AKAP13: variants seen among roughly 807,000 people sequenced by gnomAD.
The protein encoded by AKAP13 is A-kinase anchor protein 13.
A neutral mutation model predicts 264.5 loss-of-function variants in AKAP13; 80 were observed. The observed-to-expected ratio is 0.30, with a 90% CI of 0.25 to 0.36. The LOEUF is 0.36. Ranked by LOEUF, AKAP13 falls within the 10% of genes least tolerant of loss-of-function variation. The pLI is 1.00. For synonymous variants in AKAP13, 1,380 were observed against 1,250.2 expected, an observed-to-expected ratio of 1.10 and a Z score of -2.19; for missense variants, 3,712 against 3,435.2, an observed-to-expected ratio of 1.08 and a Z score of -2.01.
intron 1 of AKAP13, among the ~76,000 whole-genome samples, chr15:85,407,676 G>A (rs2071741909): frequency 1.3e-5 from 2 of 151,840 alleles, no homozygotes; most frequent in Non-Finnish European, 2.9e-5. Flanking sequence ...TGAACTCAGT[G>A]AGCAGTGAGG....
At chr15:85,555,444 C>G (rs1220996197) in intron 5 of AKAP13, 1 of 1,289,068 alleles carries the variant, frequency 7.8e-7, no homozygotes, top group South Asian at 1.2e-5. Flanking sequence ...GAAGCCAAAA[C>G]TAAAAGAGGA....
intron 1 of AKAP13, among the ~76,000 whole-genome samples, chr15:85,407,118 A>T (rs1596069608): frequency 6.6e-6 from 1 of 151,900 alleles, no homozygotes; most frequent in East Asian, 1.9e-4. Flanking sequence ...ATTGGGGTAT[A>T]GTGAGAGATA....
intron 8 of AKAP13, among the ~76,000 whole-genome samples, chr15:85,608,029 G>A (rs931951739): frequency 2.0e-5 from 3 of 152,062 alleles, no homozygotes; most frequent in Non-Finnish European, 2.9e-5. Flanking sequence ...TTTTTGGAGC[G>A]CATGACTGTA....
Position 85,539,083 on chromosome 15 carries a change from G to A in AKAP13, c.479-4689G>A, listed in dbSNP as rs141158607. On this transcript the variant is annotated intron_variant, in intron 4 of 36. Coordinates refer to ENST00000394518, the MANE Select transcript of AKAP13 (RefSeq NM_007200.5). ...CCTGATCTCATGATCCTCCCGCCTC[G>A]GCCTCCCAAAGTGCTGGGTTACAGG... Among the ~76,000 whole-genome samples the A allele has an allele frequency of 7.4e-3, 1,119 of 152,096 alleles. 5 individuals are homozygous for A. The highest frequency in any genetic ancestry group is 0.02 in the Middle Eastern group (6 of 294).
Position 85,515,976 on chromosome 15 carries a change from A to G in AKAP13, c.34-5452A>G, listed in dbSNP as rs1378065331. 2.0e-5 allele frequency among the ~76,000 whole-genome samples: 3 copies of G among 152,160 alleles called. 1 individual carries two copies. Among genetic ancestry groups the G allele is most frequent in the Non-Finnish European group, 4.4e-5 (3 of 68,036 alleles). On this transcript the variant is annotated intron_variant, in intron 2 of 36. Transcript: ENST00000394518. ...TAACAACTTCTTTAACATTTTAAAC[A>G]TCTTTTCTGTTGTCCAATTTTTAAC...
chr15:85,428,304 A>C (rs1369492270), intron 1 of AKAP13, among the ~76,000 whole-genome samples: 1 of 152,138 alleles, frequency 6.6e-6, no homozygotes, highest in Non-Finnish European at 1.5e-5. Flanking sequence ...GGTTCAAGTG[A>C]TTCTCCTGCC....
At chr15:85,446,540 G>A (rs2073903790) in intron 1 of AKAP13, among the ~76,000 whole-genome samples, 1 of 152,142 alleles carries the variant, frequency 6.6e-6, no homozygotes, top group Admixed American at 6.5e-5. Flanking sequence ...AGACTTTAGG[G>A]CTAGAGACTC....
intron 8 of AKAP13, chr15:85,620,242 A>G (rs1031857513): frequency 2.8e-6 from 4 of 1,435,684 alleles, no homozygotes; most frequent in South Asian, 2.4e-5. Flanking sequence ...CCCGGTAGCC[A>G]TGTCCCTGGC....
At chr15:85,552,675 T>C (rs2078000430) in intron 5 of AKAP13, among the ~76,000 whole-genome samples, 1 of 141,614 alleles carries the variant, frequency 7.1e-6, no homozygotes, top group African/African-American at 2.6e-5. Flanking sequence ...TCACCCAGGC[T>C]GAAGTGCAGT....
intron 2 of AKAP13, among the ~76,000 whole-genome samples, chr15:85,502,925 A>G (rs931541633): frequency 6.6e-6 from 1 of 152,256 alleles, no homozygotes; most frequent in Non-Finnish European, 1.5e-5. Context: ...TTTTATTACC[A>G]TACTTTATTT....
At chr15:85,442,498 T>TA (rs1196606044) in intron 1 of AKAP13, among the ~76,000 whole-genome samples, 1 of 107,532 alleles carries the variant, frequency 9.3e-6, no homozygotes, top group Non-Finnish European at 1.9e-5. Context: ...ATAATATATA[T>TA]TATATTATAT....
chr15:85,594,711 A>G lies in AKAP13; in HGVS notation c.4161+8888A>G, dbSNP rs576955716. 1.4e-4 allele frequency among the ~76,000 whole-genome samples: 21 copies of G among 152,360 alleles called. No individual in the cohort carries two copies. The South Asian group carries it at 3.9e-3, about 29-fold the overall frequency. On this transcript the variant is annotated intron_variant, in intron 8 of 36. Transcript: ENST00000394518. ...GAGAAAGTTTCCATAGTAGAAAATTAAAAGAGAGATGTCATTTGATCTTTG... is the reference window on the plus strand; with the variant it reads ...GAGAAAGTTTCCATAGTAGAAAATTGAAAGAGAGATGTCATTTGATCTTTG...
chr15:85,416,045 G>A (rs2072230536), intron 1 of AKAP13, among the ~76,000 whole-genome samples: 1 of 152,200 alleles, frequency 6.6e-6, no homozygotes, highest in South Asian at 2.1e-4. Context: ...AATGAAGTGA[G>A]ATGGGAGCAC....
intron 8 of AKAP13, among the ~76,000 whole-genome samples, chr15:85,634,005 T>G (rs1057154939): frequency 3.3e-5 from 5 of 152,344 alleles, no homozygotes; most frequent in African/African-American, 9.6e-5. Context: ...GGGCACCTGC[T>G]GAAGATTCAG....
intron 1 of AKAP13, among the ~76,000 whole-genome samples, chr15:85,467,397 TCTGTTCCTA>T (rs1209535587): frequency 1.3e-5 from 2 of 152,170 alleles, no homozygotes; most frequent in African/African-American, 2.4e-5. Context: ...TACCTTGTGA[TCTGTTCCTA>T]CTGGGCCACC....
At position 85,704,394 on chromosome 15, in the gene AKAP13, G is replaced by A. The variant is rs144141746; in HGVS notation, c.5465-3625G>A. 1.1e-3 allele frequency among the ~76,000 whole-genome samples: 171 copies of A among 152,002 alleles called. 3 individuals are homozygous for A. Among genetic ancestry groups the A allele is most frequent in the African/African-American group, 3.6e-3 (151 of 41,436 alleles). ...TAATGGTTTGTTTTATTTTTCTTCC[G>A]AAAGATAAAAAACACATAGTATATA... On this transcript the variant is annotated intron_variant, in intron 17 of 36. Coordinates refer to ENST00000394518, the MANE Select transcript of AKAP13 (RefSeq NM_007200.5).
In AKAP13 at chr15:85,727,374, G is replaced by T; in HGVS notation, c.7005-7G>T. ...TTTTTTGTTCTGTCTTGTTTGGGTT[G>T]TATTAGGAACAGAGATGAAGATGAA... On this transcript the variant is annotated splice_polypyrimidine_tract_variant and splice_region_variant and intron_variant, in intron 28 of 36. Transcript: ENST00000394518. This position sits in a 1 kb window ranked among gnomAD's most constrained non-coding sequence, Gnocchi z 5.3. 6.2e-7 allele frequency: 1 copy of T among 1,614,164 alleles called. No individual in the cohort carries two copies. Among genetic ancestry groups the T allele is most frequent in the Non-Finnish European group, 8.5e-7 (1 of 1,180,020 alleles).
At chr15:85,655,889 G>A in intron 11 of AKAP13, 102 bp downstream of exon 11, 7 of 1,470,908 alleles carry the variant, frequency 4.8e-6, no homozygotes, top group Non-Finnish European at 6.3e-6. Flanking sequence ...AGACCCCATA[G>A]TATAGAAGAA....
chr15:85,565,336 T>G (rs955502562), intron 5 of AKAP13, among the ~76,000 whole-genome samples: 1 of 152,226 alleles, frequency 6.6e-6, no homozygotes, highest in African/African-American at 2.4e-5. Flanking sequence ...ACTTGTTTTT[T>G]GTCTGGTTTT....
Sources: gnomAD v4.1 joint callset for allele counts (sites outside exome capture counted in the v4.1 genomes callset) on GRCh38, gnomAD v4.1.1 for gene constraint, Gnocchi (gnomAD v3.1) non-coding constraint, MANE v1.5 for transcripts, NCBI Gene and HGNC (gene_info 2026-07-23, HGNC 2026-07-21) for gene names.